OR1M1: variants seen among roughly 807,000 people sequenced by gnomAD.
OR1M1 encodes the protein olfactory receptor family 1 subfamily M member 1.
For synonymous variants in OR1M1, 157 were observed against 165.5 expected (o/e 0.95, Z 0.39); for missense variants, 397 against 401.8 (o/e 0.99, Z 0.10).
At chr19:9,087,295 A>G (rs563199601) in intron 1 of OR1M1, 138 bp downstream of exon 1, 1 of 152,310 alleles carries the variant, frequency 6.6e-6, no homozygotes, top group South Asian at 2.1e-4. Context: ...TATTTATTTT[A>G]GAGACAGAAC....
chr19:9,088,907 C>CT (rs1237930129), intron 1 of OR1M1, among the ~76,000 whole-genome samples: 1 of 151,418 alleles, frequency 6.6e-6, no homozygotes, highest in Non-Finnish European at 1.5e-5. Context: ...AAAAAATACT[C>CT]TGACTCCTTT....
At position 9,093,981 on chromosome 19, in the gene OR1M1, CTG is replaced by C. The variant is rs2050312648; in HGVS notation, c.740_741del (p.Val247GlyfsTer93). 1 of 1,614,166 alleles carries C rather than the reference CTG, an allele frequency of 6.2e-7. No homozygotes were observed. Among genetic ancestry groups the C allele is most frequent in the African/African-American group, 1.3e-5 (1 of 75,032 alleles). On this transcript the variant is annotated frameshift_variant, in exon 2 of 2. Transcript: ENST00000641627. LOFTEE classifies it low-confidence loss of function (END_TRUNC). ...TTCTCCACCTGCAGCTCCCACCTGT[CTG>C]TGGTTGCTCTCTTCTATGGGACCAC...
intron 1 of OR1M1, among the ~76,000 whole-genome samples, chr19:9,090,893 G>A (rs993116889): frequency 6.6e-6 from 1 of 151,756 alleles, no homozygotes; most frequent in Non-Finnish European, 1.5e-5. Flanking sequence ...CAGGACGGGC[G>A]CGGTGGCTCA....
At chr19:9,089,470 C>T (rs2050281775) in intron 1 of OR1M1, among the ~76,000 whole-genome samples, 2 of 147,374 alleles carry the variant, frequency 1.4e-5, no homozygotes, top group South Asian at 4.2e-4. Flanking sequence ...GTCACCCCGG[C>T]TGGAGTGCAA....
chr19:9,093,510 G>A lies in OR1M1; in HGVS notation c.266G>A (p.Ser89Asn). The A allele has an allele frequency of 1.2e-6, 2 of 1,614,124 alleles. No individual in the cohort carries two copies. Among genetic ancestry groups the A allele is most frequent in the Non-Finnish European group, 1.7e-6 (2 of 1,180,022 alleles). ...ATGCTGGTGAGCCTTCAAACCGGGA[G>A]CAAGGCCATCTCTTATCCCTGCTGC... is the stretch of plus-strand genomic sequence containing the variant. ...PKMLVSLQTG[S>N]KAISYPCCLI... Residue 89 changes from serine to asparagine, a missense_variant, in exon 2 of 2, where the codon AGC becomes AAC. Physicochemically the swap from Ser to Asn is conservative, Grantham distance 46. Transcript: ENST00000641627.
In OR1M1 at chr19:9,094,775, C is replaced by G. The variant is rs2050317665; in HGVS notation, c.*589C>G. 6.6e-6 allele frequency: 1 copy of G among 152,132 alleles called. No homozygotes were observed. Among genetic ancestry groups the G allele is most frequent in the South Asian group, 2.1e-4 (1 of 4,818 alleles). The allele number at this position is 152,132 out of a possible 1,614,324, so 9.4% of individuals were successfully genotyped here. The stretch of plus-strand genomic sequence containing the variant: ...GCCGCAGAAGTTTCACGGGAAGTCT[C>G]AGGATGGTCTGGTAACTGTTTTTCT... On this transcript the variant is annotated 3_prime_UTR_variant, in exon 2 of 2. Transcript: ENST00000641627.
rs969128645 is a variant in OR1M1 at position 9,094,510 on chromosome 19, C to T, written c.*324C>T. ...AACATCCTAGGATTACAGGTGTGAG[C>T]TACCACGCCGAGCCTCACTTTGAAT... On this transcript the variant is annotated 3_prime_UTR_variant, in exon 2 of 2. Coordinates refer to ENST00000641627, the MANE Select transcript of OR1M1 (RefSeq NM_001004456.2). The T allele has an allele frequency of 1.4e-4, 29 of 211,672 alleles. No homozygotes were observed. The highest frequency in any genetic ancestry group is 4.5e-4 in the East Asian group (4 of 8,948). 13.1% of individuals were successfully genotyped at this position (211,672 alleles called of 1,614,324 possible). A position where few individuals can be genotyped will look rare whatever the true frequency, so the allele number is the denominator to read the frequency against.
chr19:9,094,138 A>G lies in OR1M1; in HGVS notation c.894A>G (p.Lys298=). 1 of 1,612,748 alleles carries G rather than the reference A, an allele frequency of 6.2e-7. No homozygotes were observed. The highest frequency in any genetic ancestry group is 8.5e-7 in the Non-Finnish European group (1 of 1,179,932). Residue 298 remains lysine (K), a synonymous_variant, in exon 2 of 2, where the codon AAA becomes AAG. Coordinates refer to ENST00000641627, the MANE Select transcript of OR1M1 (RefSeq NM_001004456.2). ...FIYSLRNRDL[K]GALRKLVNRK... The stretch of plus-strand genomic sequence containing the variant: ...ACAGCTTGAGGAACAGAGACCTGAA[A>G]GGGGCTCTCAGGAAGCTGGTCAACA...
intron 1 of OR1M1, 22 bp from the exon 2 acceptor site, chr19:9,093,210 C>T: frequency 6.9e-7 from 1 of 1,458,690 alleles, no homozygotes; most frequent in Non-Finnish European, 9.4e-7. Context: ...ATTCCTATAA[C>T]CTCCCCTTTC....
At chr19:9,088,467 T>A (rs1311258317) in intron 1 of OR1M1, among the ~76,000 whole-genome samples, 1 of 152,136 alleles carries the variant, frequency 6.6e-6, no homozygotes, top group African/African-American at 2.4e-5. Flanking sequence ...TGTGGAAGAA[T>A]GAGGAGTGAC....
In OR1M1 at chr19:9,094,292, T is replaced by TATG; in HGVS notation, c.*108_*109insGAT. On this transcript the variant is annotated 3_prime_UTR_variant, in exon 2 of 2. Coordinates refer to ENST00000641627, the MANE Select transcript of OR1M1 (RefSeq NM_001004456.2). ...GAAGAGTAGGCACTTTGAATTTTAT[T>TATG]ATTATTATTATTATTTAGAGATGGG... 1 of 622,756 alleles carries TATG rather than the reference T, an allele frequency of 1.6e-6. No homozygotes were observed. 38.6% of individuals were successfully genotyped at this position (622,756 alleles called of 1,614,324 possible).
chr19:9,093,029 CTCTCTCTCTATA>C (rs1408926014), intron 1 of OR1M1, 191 bp from the exon 2 acceptor site: 1 of 318,100 alleles, frequency 3.1e-6, no homozygotes, highest in African/African-American at 2.6e-5. Context: ...TTCTCTCTCT[CTCTCTCTCTATA>C]TATATATATA....
Position 9,093,361 on chromosome 19 carries a change from C to T in OR1M1, c.117C>T (p.Val39=), listed in dbSNP as rs373395488. ...SLFFCMYLVM[V]VGNLLIILAI... ...TCTTCTGCATGTACCTGGTCATGGTCGTGGGGAACCTGCTCATCATCCTGG... is the reference window on the plus strand; with the variant it reads ...TCTTCTGCATGTACCTGGTCATGGTTGTGGGGAACCTGCTCATCATCCTGG... The change falls in exon 2 of 2, where the codon GTC becomes GTT. Residue 39 remains valine (V), a synonymous_variant. Coordinates refer to ENST00000641627, the MANE Select transcript of OR1M1 (RefSeq NM_001004456.2). 11 of 1,613,740 alleles carry T rather than the reference C, an allele frequency of 6.8e-6. No homozygotes were observed. In the African/African-American group the frequency reaches 1.1e-4, roughly 16 times the overall value.
At position 9,094,231 on chromosome 19, in the gene OR1M1, G is replaced by T. The variant is rs779773248; in HGVS notation, c.*45G>T. On this transcript the variant is annotated 3_prime_UTR_variant, in exon 2 of 2. Transcript: ENST00000641627. ...TCTGGGGGGTAGAATATATACATCTGGGAGTCTTGGGCTAACATCTGGAAT... is the reference window on the plus strand; with the variant it reads ...TCTGGGGGGTAGAATATATACATCTTGGAGTCTTGGGCTAACATCTGGAAT... 3.4e-6 allele frequency: 4 copies of T among 1,164,332 alleles called. No homozygotes were observed. The African/African-American group carries it at 6.1e-5, about 18-fold the overall frequency. The allele number at this position is 1,164,332 out of a possible 1,614,324, so 72.1% of individuals were successfully genotyped here.
intron 1 of OR1M1, among the ~76,000 whole-genome samples, chr19:9,091,489 T>C (rs972617765): frequency 9.2e-5 from 14 of 152,184 alleles, no homozygotes; most frequent in African/African-American, 3.4e-4. Context: ...TTAAACCCCA[T>C]TTCTACTAAA....
chr19:9,093,127 T>C, intron 1 of OR1M1, 105 bp from the exon 2 acceptor site: 1 of 615,574 alleles, frequency 1.6e-6, no homozygotes. Context: ...TATATACACA[T>C]CTGGTCTCAT....
At chr19:9,090,716 G>A (rs2050287621) in intron 1 of OR1M1, among the ~76,000 whole-genome samples, 1 of 151,886 alleles carries the variant, frequency 6.6e-6, no homozygotes, top group Admixed American at 6.6e-5. Context: ...TGACAGGCAT[G>A]AGCCACCGCG....
rs1323813004 is a variant in OR1M1, at chr19:9,092,757, C to T, written c.-13-475C>T. Among the ~76,000 whole-genome samples, 9 of 151,580 alleles carry T rather than the reference C, an allele frequency of 5.9e-5. 1 individual carries two copies. The highest frequency in any genetic ancestry group is 3.3e-4 in the Admixed American group (5 of 15,146). On this transcript the variant is annotated intron_variant, in intron 1 of 1. Coordinates refer to ENST00000641627, the MANE Select transcript of OR1M1 (RefSeq NM_001004456.2). The stretch of plus-strand genomic sequence containing the variant: ...TCTACTAAAAGTACAAAAAATTAGC[C>T]GGACGTGGTGGTGGGCACCTGTAGT...
Position 9,088,016 on chromosome 19 carries a change from A to G in OR1M1, c.-14+859A>G, listed in dbSNP as rs10417299. ...AGAGATTCTCCTGCCTCAGCCTCCC[A>G]AGTAGCTGGAATTACAGATGCCCGC... On this transcript the variant is annotated intron_variant, in intron 1 of 1. Coordinates refer to ENST00000641627, the MANE Select transcript of OR1M1 (RefSeq NM_001004456.2). 9.5e-3 allele frequency among the ~76,000 whole-genome samples: 1,441 copies of G among 151,794 alleles called. 30 individuals carry two copies. The highest frequency in any genetic ancestry group is 0.033 in the African/African-American group (1,383 of 41,416).
Sources: allele counts gnomAD v4.1 joint callset (sites outside exome capture counted in the v4.1 genomes callset), GRCh38; gene constraint gnomAD v4.1.1; transcripts MANE v1.5; gene names NCBI Gene and HGNC (gene_info 2026-07-23, HGNC 2026-07-21).